Variants in CHMP1A observed in about 807,000 individuals in gnomAD.
CHMP1A encodes VPS46 homolog A.
Under a neutral mutation model 27.0 loss-of-function variants are expected in CHMP1A, and 17 were observed. The observed-to-expected ratio is 0.63, with a 90% CI of 0.43 to 0.95. The LOEUF (loss-of-function observed/expected upper bound fraction) is 0.95, where lower values mean the gene tolerates loss of function less well. Ranked by LOEUF, CHMP1A falls within the 40% of genes least tolerant of loss-of-function variation. The pLI is 0.00. For synonymous variants in CHMP1A, 131 were observed against 107.5 expected, an observed-to-expected ratio of 1.22 and a Z score of -1.35; for missense variants, 275 against 264.0, an observed-to-expected ratio of 1.04 and a Z score of -0.29.
intron 2 of CHMP1A, among the ~76,000 whole-genome samples, chr16:89,653,380 G>C (rs1486520813): frequency 6.7e-6 from 1 of 149,156 alleles, no homozygotes; most frequent in Non-Finnish European, 1.5e-5. Flanking sequence ...CAGCACTTTA[G>C]GAGGCCGAGG....
chr16:89,645,817 T>C lies in CHMP1A; in HGVS notation c.*249A>G, dbSNP rs2059769001. The C allele has an allele frequency of 2.4e-6, 3 of 1,262,924 alleles. No individual in the cohort carries two copies. Among genetic ancestry groups the C allele is most frequent in the Middle Eastern group, 2.2e-4 (1 of 4,486 alleles). The allele number at this position is 1,262,924 out of a possible 1,614,324, so 78.2% of individuals were successfully genotyped here. A position where few individuals can be genotyped will look rare whatever the true frequency, so the allele number is the denominator to read the frequency against. ...ACAGGGCCCCTCTTGGCCTCCCCGCTGTGGGCCCAGAGTCACAGAAATCAC... is the reference window on the plus strand; with the variant it reads ...ACAGGGCCCCTCTTGGCCTCCCCGCCGTGGGCCCAGAGTCACAGAAATCAC... On this transcript the variant is annotated 3_prime_UTR_variant, in exon 7 of 7. Transcript: ENST00000397901.
chr16:89,648,725 C>G (rs551363807), intron 4 of CHMP1A, among the ~76,000 whole-genome samples: 2 of 124,562 alleles, frequency 1.6e-5, no homozygotes, highest in African/African-American at 6.4e-5. Context: ...CCTGTCTCTA[C>G]ATAAAAATGA....
chr16:89,655,255 G>T (rs1210511310), intron 1 of CHMP1A, among the ~76,000 whole-genome samples: 1 of 152,212 alleles, frequency 6.6e-6, no homozygotes, highest in East Asian at 1.9e-4. Context: ...CACGGCCAAG[G>T]TTATCTGTGA....
rs1194141362 is a variant in CHMP1A, at chr16:89,647,291, T to C, written c.293A>G (p.Lys98Arg). The C allele has an allele frequency of 6.2e-7, 1 of 1,611,996 alleles. No individual in the cohort carries two copies. Among genetic ancestry groups the C allele is most frequent in the African/African-American group, 1.3e-5 (1 of 74,918 alleles). Residue 98 changes from lysine (K) to arginine (R), a missense_variant, in exon 5 of 7, where the codon AAG (lysine) becomes AGG (arginine). By Grantham distance (26) the Lys-to-Arg change is conservative. Transcript: ENST00000397901. ...NMAQVTKALD[K>R]ALSTMDLQKV... ...CTGCAGGTCCATGGTGCTCAGGGCC[T>C]TGTCCAGGGCTTTGGTCACCTGGGC...
Position 89,646,639 on chromosome 16 carries a change from T to C in CHMP1A, c.457A>G (p.Ile153Val), listed in dbSNP as rs1386295954. The stretch of plus-strand genomic sequence containing the variant: ...ACCTCCAGGCCATTCTCCTCGGCGA[T>C]CTGCATGATGAGGCTGTCCACCTGC... ...QEQVDSLIMQ[I>V]AEENGLEVLD... Residue 153 changes from isoleucine (I) to valine (V), a missense_variant, in exon 6 of 7, where the codon ATC becomes GTC. Transcript: ENST00000397901. 1 of 1,610,454 alleles carries C rather than the reference T, an allele frequency of 6.2e-7. No individual in the cohort carries two copies. The highest frequency in any genetic ancestry group is 1.7e-5 in the Admixed American group (1 of 59,670).
intron 2 of CHMP1A, among the ~76,000 whole-genome samples, chr16:89,653,289 G>A (rs1399356129): frequency 6.8e-6 from 1 of 147,928 alleles, no homozygotes; most frequent in Non-Finnish European, 1.5e-5. Context: ...GATTACAGGC[G>A]TGAGCCACCG....
At chr16:89,649,794 C>T (rs896071874) in intron 3 of CHMP1A, among the ~76,000 whole-genome samples, 40 of 152,220 alleles carry the variant, frequency 2.6e-4, no homozygotes, top group Non-Finnish European at 4.4e-5. Flanking sequence ...GCCAGGATGG[C>T]CTCGATCTCC....
rs1328247279 is a variant in CHMP1A, at chr16:89,645,743, GT to G, written c.*322del. The stretch of plus-strand genomic sequence containing the variant: ...CCCTCTGGCTGATGGGAAGCAGCAT[GT>G]CTGCTGCCCCAGAGTCTGAAGGCCC... On this transcript the variant is annotated 3_prime_UTR_variant, in exon 7 of 7. Coordinates refer to ENST00000397901, the MANE Select transcript of CHMP1A (RefSeq NM_002768.5). 1 of 549,892 alleles carries G rather than the reference GT, an allele frequency of 1.8e-6. No individual in the cohort carries two copies. The highest frequency in any genetic ancestry group is 3.0e-6 in the Non-Finnish European group (1 of 333,804). The allele number at this position is 549,892 out of a possible 1,614,324, so 34.1% of individuals were successfully genotyped here.
chr16:89,647,093 C>T (rs1264866390), intron 5 of CHMP1A, 110 bp downstream of exon 5: 3 of 1,538,526 alleles, frequency 1.9e-6, no homozygotes, highest in East Asian at 4.9e-5. Flanking sequence ...CAGGGAGCAA[C>T]CACAGGTATG....
chr16:89,646,759 A>C (rs1567999566), intron 5 of CHMP1A, 45 bp from the exon 6 acceptor site: 1 of 1,580,340 alleles, frequency 6.3e-7, no homozygotes, highest in Non-Finnish European at 8.6e-7. Context: ...GGCCAGGCCC[A>C]TGGGGCCCCA....
rs780744370 is a variant in CHMP1A, at chr16:89,646,506, C to T, written c.569+21G>A. ...CCAGAGCGTGGGGTTGGTGACACAG[C>T]GTTTCGGGGACCGACCCTACCTCCG... On this transcript the variant is annotated intron_variant, in intron 6 of 6. Coordinates refer to ENST00000397901, the MANE Select transcript of CHMP1A (RefSeq NM_002768.5). The T allele has an allele frequency of 9.7e-6, 15 of 1,549,306 alleles. No individual in the cohort carries two copies. In the East Asian group the frequency reaches 1.2e-4, roughly 12 times the overall value.
Position 89,647,055 on chromosome 16 carries a change from A to C in CHMP1A, c.381+148T>G, listed in dbSNP as rs546541352. The C allele has an allele frequency of 2.4e-4, 375 of 1,531,086 alleles. 1 individual carries two copies. Among genetic ancestry groups the C allele is most frequent in the Admixed American group, 9.3e-4 (47 of 50,788 alleles). 94.8% of individuals were successfully genotyped at this position (1,531,086 alleles called of 1,614,324 possible). Reference sequence around the variant, plus strand: ...CCTACCTGTCAGGGTCCTGGCAGGGACCCAGCACAGAGGATGCTTGGTGAC... The same window carrying C: ...CCTACCTGTCAGGGTCCTGGCAGGGCCCCAGCACAGAGGATGCTTGGTGAC... On this transcript the variant is annotated intron_variant, in intron 5 of 6. Coordinates refer to ENST00000397901, the MANE Select transcript of CHMP1A (RefSeq NM_002768.5).
At chr16:89,653,641 A>G (rs1177006473) in intron 2 of CHMP1A, among the ~76,000 whole-genome samples, 2 of 151,472 alleles carry the variant, frequency 1.3e-5, no homozygotes, top group Non-Finnish European at 2.9e-5. Flanking sequence ...AAAAAAAAAA[A>G]AAAAAGATAA....
At chr16:89,649,982 TC>T (rs1271407823) in intron 3 of CHMP1A, among the ~76,000 whole-genome samples, 3 of 151,168 alleles carry the variant, frequency 2.0e-5, no homozygotes, top group Non-Finnish European at 4.4e-5. Context: ...GGCTTCTGCT[TC>T]CCCCCGCACC....
At chr16:89,646,241 C>G (rs1435483524) in intron 6 of CHMP1A, among the ~76,000 whole-genome samples, 154 bp from the exon 7 acceptor site, 1 of 152,218 alleles carries the variant, frequency 6.6e-6, no homozygotes, top group African/African-American at 2.4e-5. Context: ...CCACTCTTAC[C>G]TGATCTGTTA....
Position 89,645,759 on chromosome 16 carries a change from T to C in CHMP1A, c.*307A>G. 6.3e-6 allele frequency: 4 copies of C among 633,564 alleles called. No individual in the cohort carries two copies. Among genetic ancestry groups the C allele is most frequent in the Non-Finnish European group, 9.9e-6 (4 of 403,770 alleles). 39.2% of individuals were successfully genotyped at this position (633,564 alleles called of 1,614,324 possible). On this transcript the variant is annotated 3_prime_UTR_variant, in exon 7 of 7. Transcript: ENST00000397901. ...AAGCAGCATGTCTGCTGCCCCAGAG[T>C]CTGAAGGCCCCCACAGTGCTGGGTG...
At position 89,657,640 on chromosome 16, in the gene CHMP1A, G is replaced by C; in HGVS notation, c.-52C>G. ...GAGAGGGAGAAGGGACGCCAACTCC[G>C]GGCGGTGTCAGGTCCCGGCGGCGAT... On this transcript the variant is annotated 5_prime_UTR_variant, in exon 1 of 7. Transcript: ENST00000397901. 1.9e-6 allele frequency: 3 copies of C among 1,607,790 alleles called. No individual in the cohort carries two copies. The highest frequency in any genetic ancestry group is 1.1e-5 in the South Asian group (1 of 90,600).
At chr16:89,656,923 G>T (rs1406802197) in intron 1 of CHMP1A, among the ~76,000 whole-genome samples, 1 of 152,090 alleles carries the variant, frequency 6.6e-6, no homozygotes, top group Non-Finnish European at 1.5e-5. Context: ...TCCAGGCCCT[G>T]GGCAAGGGGT....
chr16:89,647,485 T>A (rs1050770260), intron 4 of CHMP1A, among the ~76,000 whole-genome samples, 154 bp from the exon 5 acceptor site: 3 of 152,022 alleles, frequency 2.0e-5, no homozygotes, highest in African/African-American at 7.3e-5. Context: ...ATCTGGGTCC[T>A]ATGGAAAGAC....
Sources: gnomAD v4.1 joint callset for allele counts (sites outside exome capture counted in the v4.1 genomes callset) on GRCh38, gnomAD v4.1.1 for gene constraint, MANE v1.5 for transcripts, NCBI Gene and HGNC (gene_info 2026-07-23, HGNC 2026-07-21) for gene names.